The following SRP72 variants were observed in gnomAD, a reference collection of about 807,000 sequenced individuals.
SRP72 encodes signal recognition particle subunit SRP72.
Under a neutral mutation model 96.3 loss-of-function variants are expected in SRP72, and 49 were observed. The observed-to-expected ratio is 0.51, with a 90% CI of 0.40 to 0.65. The LOEUF (loss-of-function observed/expected upper bound fraction) is 0.65. Ranked by LOEUF, SRP72 falls within the 30% of genes least tolerant of loss-of-function variation. The pLI is 0.00. For synonymous variants in SRP72, 267 were observed against 275.2 expected (o/e 0.97, Z 0.30); for missense variants, 736 against 793.3 (o/e 0.93, Z 0.87).
intron 10 of SRP72, among the ~76,000 whole-genome samples, chr4:56,485,473 A>G (rs1210124076): frequency 1.3e-5 from 2 of 151,394 alleles, no homozygotes; most frequent in Non-Finnish European, 2.9e-5. Context: ...TGAGTTTTGC[A>G]TCCAAGAATT....
Position 56,484,784 on chromosome 4 carries a change from G to C in SRP72, c.1006G>C (p.Glu336Gln). 6.2e-7 allele frequency: 1 copy of C among 1,614,086 alleles called. No homozygotes were observed. The highest frequency in any genetic ancestry group is 1.7e-5 in the Admixed American group (1 of 60,008). Reference protein sequence around the residue: ...ISASLQSQSPEHLLPVLIQAA... With the variant: ...ISASLQSQSPQHLLPVLIQAA... ...TGCCAGTTTACAGTCCCAAAGTCCC[G>C]AGCATCTCTTACCTGTGTTAATCCA... The change falls in exon 10 of 19, where the codon GAG (glutamate) becomes CAG (glutamine). Residue 336 changes from glutamate (E) to glutamine (Q), a missense_variant. Around this residue, in one of 3 missense-constraint regions of SRP72, gnomAD observed 388 missense variants for 431.8 expected, o/e 0.90. Coordinates refer to ENST00000642900, the MANE Select transcript of SRP72 (RefSeq NM_006947.4).
At chr4:56,484,051 T>TTTTTTTTTTTTTTTTTTTTA (rs1560682047) in intron 9 of SRP72, among the ~76,000 whole-genome samples, 1 of 142,716 alleles carries the variant, frequency 7.0e-6, no homozygotes, top group Admixed American at 7.2e-5. Flanking sequence ...TTTTTTTTTT[T>TTTTTTTTTTTTTTTTTTTTA]GAGATGGAGT....
chr4:56,493,774 G>A (rs919386845), intron 16 of SRP72, among the ~76,000 whole-genome samples: 1 of 152,142 alleles, frequency 6.6e-6, no homozygotes, highest in East Asian at 1.9e-4. Context: ...GCTGAGGCAG[G>A]AGAATCACTT....
At chr4:56,477,223 G>T (rs1038596430) in intron 6 of SRP72, 3 of 147,808 alleles carry the variant, frequency 2.0e-5, no homozygotes, top group Admixed American at 6.8e-5. Flanking sequence ...TACGTTTACC[G>T]TATCTTTCTG....
At chr4:56,480,752 C>G (rs1315255208) in intron 8 of SRP72, among the ~76,000 whole-genome samples, 1 of 152,146 alleles carries the variant, frequency 6.6e-6, no homozygotes, top group Non-Finnish European at 1.5e-5. Context: ...TTTAAAATCT[C>G]TTTCTGGTGT....
intron 11 of SRP72, 55 bp downstream of exon 11, chr4:56,486,452 A>T (rs1207826249): frequency 6.9e-7 from 1 of 1,449,156 alleles, no homozygotes; most frequent in Non-Finnish European, 9.4e-7. Context: ...GTTTGGAATG[A>T]TTAAGCAGTT....
At chr4:56,484,585 T>C (rs1028963612) in intron 9 of SRP72, 151 bp from the exon 10 acceptor site, 1 of 966,058 alleles carries the variant, frequency 1.0e-6, no homozygotes, top group Non-Finnish European at 1.5e-6. Flanking sequence ...AAATTGAGAA[T>C]AGATACTGTA....
At chr4:56,468,982 T>G (rs1449840494) in intron 1 of SRP72, among the ~76,000 whole-genome samples, 2 of 152,218 alleles carry the variant, frequency 1.3e-5, no homozygotes, top group African/African-American at 4.8e-5. Context: ...GTTGTTAGCG[T>G]TGAAACTTGC....
In SRP72 at chr4:56,501,958, C is replaced by T. The variant is rs1721274683; in HGVS notation, c.*97C>T. 1 of 1,202,622 alleles carries T rather than the reference C, an allele frequency of 8.3e-7. No homozygotes were observed. Among genetic ancestry groups the T allele is most frequent in the Non-Finnish European group, 1.2e-6 (1 of 832,638 alleles). 74.5% of individuals were successfully genotyped at this position (1,202,622 alleles called of 1,614,324 possible). On this transcript the variant is annotated 3_prime_UTR_variant, in exon 19 of 19. Coordinates refer to ENST00000642900, the MANE Select transcript of SRP72 (RefSeq NM_006947.4). ...AGCAAGAAGCACAGAACTACTCCCT[C>T]TTCATCTCCATATTTTCATAATTTC...
Position 56,502,006 on chromosome 4 carries a change from T to G in SRP72, c.*145T>G. Reference sequence around the variant, plus strand: ...TTCTTGTGTTTCAAATAGGGAAACATCTTCCTCAAAGTCTGCCTAGTGAGA... The same window carrying G: ...TTCTTGTGTTTCAAATAGGGAAACAGCTTCCTCAAAGTCTGCCTAGTGAGA... On this transcript the variant is annotated 3_prime_UTR_variant, in exon 19 of 19. Transcript: ENST00000642900. 1 of 881,494 alleles carries G rather than the reference T, an allele frequency of 1.1e-6. No homozygotes were observed. 54.6% of individuals were successfully genotyped at this position (881,494 alleles called of 1,614,324 possible). A position where few individuals can be genotyped will look rare whatever the true frequency, so the allele number is the denominator to read the frequency against.
intron 17 of SRP72, 24 bp from the exon 18 acceptor site, chr4:56,500,512 C>G (rs1301022866): frequency 6.2e-7 from 1 of 1,606,608 alleles, no homozygotes; most frequent in Non-Finnish European, 8.5e-7. Flanking sequence ...ACACATCTCT[C>G]ATTTCTTTAT....
At chr4:56,491,802 C>T (rs1262350612) in intron 16 of SRP72, 1 of 379,280 alleles carries the variant, frequency 2.6e-6, no homozygotes, top group Non-Finnish European at 4.7e-6. Context: ...TTTGTGTTTA[C>T]ACACACAGAT....
At chr4:56,492,205 G>T (rs942980216) in intron 16 of SRP72, among the ~76,000 whole-genome samples, 1 of 152,108 alleles carries the variant, frequency 6.6e-6, no homozygotes, top group East Asian at 1.9e-4. Flanking sequence ...ATCTTTCCAC[G>T]TACTAAAATG....
chr4:56,483,510 C>T lies in SRP72; in HGVS notation c.957+240C>T, dbSNP rs376139301. Among the ~76,000 whole-genome samples the T allele has an allele frequency of 6.6e-5, 10 of 151,942 alleles. No homozygotes were observed. The East Asian group carries it at 1.4e-3, about 21-fold the overall frequency. On this transcript the variant is annotated intron_variant, in intron 9 of 18. Transcript: ENST00000642900. ...GGCGGAATGCCTGAGTTCAAGAGTTCGAGACCAGCCTGAGCAACATGGTGA... is the reference window on the plus strand; with the variant it reads ...GGCGGAATGCCTGAGTTCAAGAGTTTGAGACCAGCCTGAGCAACATGGTGA...
chr4:56,495,213 C>T, intron 16 of SRP72, 144 bp from the exon 17 acceptor site: 3 of 456,678 alleles, frequency 6.6e-6, no homozygotes, highest in Non-Finnish European at 1.2e-5. Flanking sequence ...CAAATCTTAA[C>T]TAATTTGTTA....
intron 10 of SRP72, 46 bp from the exon 11 acceptor site, chr4:56,486,279 G>T (rs1236721935): frequency 3.6e-6 from 5 of 1,396,668 alleles, no homozygotes; most frequent in Non-Finnish European, 5.0e-6. Context: ...ACAATTAGTT[G>T]TGTAAATTAA....
In SRP72 at chr4:56,489,424, G is replaced by T. The variant is rs1376388559; in HGVS notation, c.1261G>T (p.Asp421Tyr). The T allele has an allele frequency of 1.9e-6, 3 of 1,602,060 alleles. No homozygotes were observed. Among genetic ancestry groups the T allele is most frequent in the South Asian group, 2.2e-5 (2 of 89,642 alleles). The change falls in exon 13 of 19, where the codon GAT becomes TAT. Residue 421 changes from aspartate to tyrosine, a missense_variant. By Grantham distance (160) the Asp-to-Tyr change is radical. Coordinates refer to ENST00000642900, the MANE Select transcript of SRP72 (RefSeq NM_006947.4). ...ALVTMYSHEE[D>Y]IDSAIEVFTQ... ...AGTTACCATGTATAGCCATGAAGAA[G>T]ATATTGATAGTGCCATTGAGGTCTT...
chr4:56,498,444 GAAAT>G lies in SRP72; in HGVS notation c.1679-2088_1679-2085del, dbSNP rs370121031. Among the ~76,000 whole-genome samples the G allele has an allele frequency of 2.9e-3, 444 of 152,216 alleles. 1 individual carries two copies. Among genetic ancestry groups the G allele is most frequent in the Non-Finnish European group, 4.7e-3 (319 of 68,014 alleles). On this transcript the variant is annotated intron_variant, in intron 17 of 18. Transcript: ENST00000642900. Reference sequence around the variant, plus strand: ...GGCCAGGGCAATCAGGCAAGAGAAAGAAATAAAGGATATTCAAACAAAAAGGAAG... The same window carrying G: ...GGCCAGGGCAATCAGGCAAGAGAAAGAAAGGATATTCAAACAAAAAGGAAG...
rs1026939360 is a variant in SRP72 at position 56,501,944 on chromosome 4, C to G, written c.*83C>G. The G allele has an allele frequency of 6.0e-6, 8 of 1,332,152 alleles. No individual in the cohort carries two copies. In the African/African-American group the frequency reaches 7.3e-5, roughly 12 times the overall value. 82.5% of individuals were successfully genotyped at this position (1,332,152 alleles called of 1,614,324 possible). On this transcript the variant is annotated 3_prime_UTR_variant, in exon 19 of 19. Coordinates refer to ENST00000642900, the MANE Select transcript of SRP72 (RefSeq NM_006947.4). Reference sequence around the variant, plus strand: ...AATAAAGGTAACACAGCAAGAAGCACAGAACTACTCCCTCTTCATCTCCAT... The same window carrying G: ...AATAAAGGTAACACAGCAAGAAGCAGAGAACTACTCCCTCTTCATCTCCAT...
Sources: gnomAD v4.1 joint callset for allele counts (sites outside exome capture counted in the v4.1 genomes callset) on GRCh38, gnomAD v4.1.1 for gene constraint, gnomAD v4.1.1 regional missense constraint, MANE v1.5 for transcripts, NCBI Gene and HGNC (gene_info 2026-07-23, HGNC 2026-07-21) for gene names.